The following SLC39A11 variants were observed in gnomAD, a reference collection of about 807,000 sequenced individuals.
SLC39A11 encodes the protein zinc transporter ZIP11.
A neutral mutation model predicts 36.1 loss-of-function variants in SLC39A11; 33 were observed. The ratio of observed to expected loss-of-function variants is 0.91; its 90% confidence interval spans 0.69 to 1.22. The LOEUF (loss-of-function observed/expected upper bound fraction) is 1.22, where lower values mean the gene tolerates loss of function less well. SLC39A11 is among the 50% of genes most tolerant of loss of function. The pLI is 0.00. For synonymous variants in SLC39A11, 166 were observed against 170.3 expected, an observed-to-expected ratio of 0.97 and a Z score of 0.20; for missense variants, 432 against 430.3, an observed-to-expected ratio of 1.00 and a Z score of -0.03.
chr17:72,861,743 TATATATATATATATATATATATATATA>T (rs2080041164), intron 5 of SLC39A11, among the ~76,000 whole-genome samples: 1 of 2,344 alleles, frequency 4.3e-4, no homozygotes, highest in Non-Finnish European at 7.5e-4. Flanking sequence ...TTGGAGATTA[TATATATATATATATATATATATATATA>T]TATATATATA....
At position 72,702,820 on chromosome 17, in the gene SLC39A11, C is replaced by T. The variant is rs183985139; in HGVS notation, c.671+33830G>A. Among the ~76,000 whole-genome samples, 252 of 151,294 alleles carry T rather than the reference C, an allele frequency of 1.7e-3. 1 individual carries two copies. The highest frequency in any genetic ancestry group is 3.4e-3 in the Middle Eastern group (1 of 292). On this transcript the variant is annotated intron_variant, in intron 7 of 9. Coordinates refer to ENST00000255559, the MANE Select transcript of SLC39A11 (RefSeq NM_139177.4). ...GGTGTGGTGGTGCATGCCTGTAATT[C>T]CAGCTACTCAGGAGGCTGAGGCAGG...
Position 72,996,305 on chromosome 17 carries a change from C to T in SLC39A11, c.306+35251G>A, listed in dbSNP as rs181230614. Among the ~76,000 whole-genome samples the T allele has an allele frequency of 3.7e-4, 56 of 152,318 alleles. 2 individuals are homozygous for T. The South Asian group carries it at 9.7e-3, about 26-fold the overall frequency. ...CAGGTTTTACCTCTATGTGCGTCCA[C>T]GTTCTTCCCATGGCCTTGTCATGGG... On this transcript the variant is annotated intron_variant, in intron 4 of 9. Coordinates refer to ENST00000255559, the MANE Select transcript of SLC39A11 (RefSeq NM_139177.4).
chr17:72,788,910 G>C (rs893344349), intron 6 of SLC39A11, among the ~76,000 whole-genome samples: 24 of 152,252 alleles, frequency 1.6e-4, no homozygotes, highest in African/African-American at 5.8e-4. Context: ...GACATGTACT[G>C]TGGCAAGGCC....
chr17:73,048,014 T>A (rs370517859), intron 3 of SLC39A11, among the ~76,000 whole-genome samples: 5,755 of 82,538 alleles, frequency 0.07, 389 homozygotes, highest in African/African-American at 0.085. Flanking sequence ...TATATATATA[T>A]ATATATATAT....
chr17:72,829,624 A>G (rs2145687803), intron 6 of SLC39A11, among the ~76,000 whole-genome samples: 1 of 152,300 alleles, frequency 6.6e-6, no homozygotes, highest in South Asian at 2.1e-4. Flanking sequence ...CAAAGGGCCA[A>G]CCAAAGTACA....
intron 6 of SLC39A11, among the ~76,000 whole-genome samples, chr17:72,812,440 T>A (rs975637192): frequency 6.6e-6 from 1 of 152,238 alleles, no homozygotes; most frequent in African/African-American, 2.4e-5. Context: ...CAAAGATGTC[T>A]AGGCAATTTA....
At chr17:72,811,570 T>C (rs1456365179) in intron 6 of SLC39A11, among the ~76,000 whole-genome samples, 1 of 152,222 alleles carries the variant, frequency 6.6e-6, no homozygotes, top group Non-Finnish European at 1.5e-5. Flanking sequence ...CTAAAATGCA[T>C]AGCTTAGTCT....
chr17:72,834,460 T>C (rs1334175586), intron 6 of SLC39A11, among the ~76,000 whole-genome samples: 7 of 151,984 alleles, frequency 4.6e-5, no homozygotes, highest in African/African-American at 1.7e-4. Flanking sequence ...CATCTCTACC[T>C]AAAATACAAA....
chr17:72,766,281 T>C (rs1446635701), intron 6 of SLC39A11, among the ~76,000 whole-genome samples: 1 of 152,168 alleles, frequency 6.6e-6, no homozygotes, highest in Non-Finnish European at 1.5e-5. Context: ...AGTTGCGCTA[T>C]GGGTGGAAAG....
At chr17:72,958,337 C>A (rs191835403) in intron 4 of SLC39A11, among the ~76,000 whole-genome samples, 22 of 152,260 alleles carry the variant, frequency 1.4e-4, no homozygotes, top group African/African-American at 5.3e-4. Flanking sequence ...AAAGCAAATG[C>A]AATAAAAACA....
chr17:72,657,836 G>T lies in SLC39A11; in HGVS notation c.672-8568C>A, dbSNP rs559522262. On this transcript the variant is annotated intron_variant, in intron 7 of 9. Transcript: ENST00000255559. ...AAGTAAAAAGCCCTACCTAAAACTC[G>T]CAATGGTCTGATGCAAATTTTGACC... 2.0e-5 allele frequency among the ~76,000 whole-genome samples: 3 copies of T among 152,298 alleles called. No individual in the cohort carries two copies. The East Asian group carries it at 5.8e-4, about 29-fold the overall frequency.
intron 6 of SLC39A11, chr17:72,839,601 C>G (rs888841097): frequency 3.9e-5 from 6 of 152,208 alleles, no homozygotes; most frequent in Non-Finnish European, 8.8e-5. Context: ...CACAGTGAAA[C>G]TGATGTCAGA....
At chr17:73,082,522 A>C (rs2060578183) in intron 3 of SLC39A11, among the ~76,000 whole-genome samples, 1 of 151,800 alleles carries the variant, frequency 6.6e-6, no homozygotes, top group Non-Finnish European at 1.5e-5. Context: ...AAGGAAAGAG[A>C]AAATGTGTTC....
chr17:73,041,431 G>C (rs987402060), intron 3 of SLC39A11, among the ~76,000 whole-genome samples: 6 of 152,148 alleles, frequency 3.9e-5, no homozygotes, highest in Non-Finnish European at 8.8e-5. Flanking sequence ...TGTGCAGATG[G>C]GCCTAAAAGA....
chr17:72,705,718 C>T (rs1309486473), intron 7 of SLC39A11, among the ~76,000 whole-genome samples: 1 of 152,206 alleles, frequency 6.6e-6, no homozygotes. Context: ...CCTGGGGGAA[C>T]CCTCTTCACC....
chr17:72,715,886 G>A (rs551945501), intron 7 of SLC39A11, among the ~76,000 whole-genome samples: 5 of 152,074 alleles, frequency 3.3e-5, no homozygotes, highest in African/African-American at 7.2e-5. Context: ...GAGTAGAGAC[G>A]TGGTTTCACC....
chr17:72,676,070 T>TCTCACACACA (rs1555634314), intron 7 of SLC39A11, among the ~76,000 whole-genome samples: 208 of 129,998 alleles, frequency 1.6e-3, no homozygotes, highest in African/African-American at 4.8e-3. Context: ...TCACAATGTT[T>TCTCACACACA]CACACACACA....
chr17:72,763,407 A>G (rs1447300295), intron 6 of SLC39A11, among the ~76,000 whole-genome samples: 2 of 152,264 alleles, frequency 1.3e-5, no homozygotes, highest in Non-Finnish European at 2.9e-5. Context: ...CCCAGAACCG[A>G]CATCACATTT....
At chr17:72,715,152 G>A (rs1395316128) in intron 7 of SLC39A11, among the ~76,000 whole-genome samples, 2 of 152,172 alleles carry the variant, frequency 1.3e-5, no homozygotes, top group African/African-American at 2.4e-5. Context: ...AAGGGGCCCC[G>A]GGAGCCCGCG....
Sources: allele counts gnomAD v4.1 joint callset (sites outside exome capture counted in the v4.1 genomes callset), GRCh38; gene constraint gnomAD v4.1.1; transcripts MANE v1.5; gene names NCBI Gene and HGNC (gene_info 2026-07-23, HGNC 2026-07-21).